The following SLC4A7 variants were observed in gnomAD, a reference collection of about 807,000 sequenced individuals.
The protein encoded by SLC4A7 is solute carrier family 4 member 7.
SLC4A7 carries 51 observed loss-of-function variants against 137.6 expected under a neutral mutation model. The observed-to-expected ratio is 0.37, with a 90% CI of 0.30 to 0.47. SLC4A7 has a LOEUF of 0.47. SLC4A7 is among the 20% of genes least tolerant of loss of function. The pLI is 1.00. For synonymous variants in SLC4A7, 542 were observed against 518.6 expected (o/e 1.05, Z -0.61); for missense variants, 1,247 against 1,525.4 (o/e 0.82, Z 3.04).
intron 2 of SLC4A7, among the ~76,000 whole-genome samples, chr3:27,451,663 C>T (rs2058082316): frequency 6.6e-6 from 1 of 152,058 alleles, no homozygotes; most frequent in Non-Finnish European, 1.5e-5. Flanking sequence ...AGATCCTCAA[C>T]TGGATCAACT....
chr3:27,430,683 T>A (rs1230408172), intron 7 of SLC4A7, among the ~76,000 whole-genome samples: 1 of 149,584 alleles, frequency 6.7e-6, no homozygotes, highest in Non-Finnish European at 1.5e-5. Context: ...TACAAAAAAT[T>A]AGCCAGACGT....
At chr3:27,461,407 AC>A (rs775185998) in intron 1 of SLC4A7, among the ~76,000 whole-genome samples, 5 of 152,054 alleles carry the variant, frequency 3.3e-5, no homozygotes, top group Non-Finnish European at 7.4e-5. Flanking sequence ...TCAAAAAAAA[AC>A]AAAAACAAAA....
At chr3:27,484,046 C>T in intron 1 of SLC4A7, 21 bp downstream of exon 1, 1 of 1,391,598 alleles carries the variant, frequency 7.2e-7, no homozygotes, top group South Asian at 1.5e-5. Context: ...CGGAGGAGCC[C>T]CACCGCCGCG....
chr3:27,374,617 C>T lies in SLC4A7; in HGVS notation c.*2147G>A, dbSNP rs1455544868. ...AGCAGAAACCAGTAACATTTAGAAG[C>T]ATTGTAAAAACATTTTGAGTGCAAA... On this transcript the variant is annotated 3_prime_UTR_variant, in exon 26 of 26. Transcript: ENST00000454389. 6.6e-6 allele frequency: 1 copy of T among 152,442 alleles called. No individual in the cohort carries two copies. The highest frequency in any genetic ancestry group is 1.5e-5 in the Non-Finnish European group (1 of 67,908). 9.4% of individuals were successfully genotyped at this position (152,442 alleles called of 1,614,324 possible).
intron 1 of SLC4A7, among the ~76,000 whole-genome samples, chr3:27,478,274 T>C (rs2059550192): frequency 6.6e-6 from 1 of 151,880 alleles, no homozygotes; most frequent in African/African-American, 2.4e-5. Flanking sequence ...TCCCAGCACT[T>C]TGGGAGGCTG....
chr3:27,429,425 G>A (rs1014443568), intron 7 of SLC4A7, among the ~76,000 whole-genome samples: 1 of 152,018 alleles, frequency 6.6e-6, no homozygotes, highest in Admixed American at 6.6e-5. Context: ...ATGAAACAAT[G>A]GACAACTAAA....
intron 1 of SLC4A7, among the ~76,000 whole-genome samples, chr3:27,456,129 G>C (rs896680867): frequency 1.3e-5 from 2 of 152,010 alleles, no homozygotes; most frequent in Non-Finnish European, 2.9e-5. Context: ...TAGAAAAAAA[G>C]GATGTTAAAA....
At chr3:27,449,057 G>A (rs201214663) in intron 2 of SLC4A7, among the ~76,000 whole-genome samples, 1 of 145,372 alleles carries the variant, frequency 6.9e-6, no homozygotes. Flanking sequence ...CTTTTTTTTT[G>A]TTTTGTTTTT....
chr3:27,459,122 T>G (rs990012440), intron 1 of SLC4A7, among the ~76,000 whole-genome samples: 2 of 152,010 alleles, frequency 1.3e-5, no homozygotes, highest in Admixed American at 1.3e-4. Context: ...TGTCCTTTCC[T>G]CCCCCACTGG....
intron 12 of SLC4A7, among the ~76,000 whole-genome samples, chr3:27,410,047 A>C (rs2053755409): frequency 6.6e-6 from 1 of 152,208 alleles, no homozygotes; most frequent in South Asian, 2.1e-4. Flanking sequence ...TAGTACTTCA[A>C]TCGTATAAAA....
At position 27,403,162 on chromosome 3, in the gene SLC4A7, G is replaced by C; in HGVS notation, c.2298C>G (p.Asn766Lys). 1 of 1,611,482 alleles carries C rather than the reference G, an allele frequency of 6.2e-7. No homozygotes were observed. The highest frequency in any genetic ancestry group is 8.5e-7 in the Non-Finnish European group (1 of 1,179,304). ...ACGAGTAGCTGGTCAGTTTATCTAA[G>C]TTGTTGTGCATATTAAATGCATATG... is the stretch of plus-strand genomic sequence containing the variant. ...GETYAFNMHN[N>K]LDKLTSYSCV... The change falls in exon 15 of 26, where the codon AAC becomes AAG. Residue 766 changes from asparagine to lysine, a missense_variant. Physicochemically the swap from Asn to Lys is moderately conservative, Grantham distance 94. Transcript: ENST00000454389.
intron 1 of SLC4A7, among the ~76,000 whole-genome samples, chr3:27,458,438 G>A (rs1340796565): frequency 6.6e-6 from 1 of 152,104 alleles, no homozygotes; most frequent in Non-Finnish European, 1.5e-5. Flanking sequence ...ACAGGTGATA[G>A]ACATGTCATA....
At chr3:27,474,925 T>G (rs1421762398) in intron 1 of SLC4A7, among the ~76,000 whole-genome samples, 2 of 151,936 alleles carry the variant, frequency 1.3e-5, no homozygotes, top group African/African-American at 4.8e-5. Flanking sequence ...CTGGCCAACA[T>G]GGTGAAACCC....
intron 1 of SLC4A7, among the ~76,000 whole-genome samples, chr3:27,457,738 A>C (rs569587796): frequency 6.6e-6 from 1 of 152,294 alleles, no homozygotes; most frequent in East Asian, 1.9e-4. Context: ...TTCATTAAAC[A>C]ATATCAAAAA....
intron 8 of SLC4A7, chr3:27,422,658 T>G (rs1272294161): frequency 2.7e-6 from 1 of 372,942 alleles, no homozygotes; most frequent in African/African-American, 2.1e-5. Context: ...TTTCTGTGTA[T>G]AATTACAAGG....
chr3:27,445,578 T>C (rs1559786647), intron 3 of SLC4A7, among the ~76,000 whole-genome samples: 1 of 152,024 alleles, frequency 6.6e-6, no homozygotes, highest in East Asian at 1.9e-4. Flanking sequence ...ATTAGATAAA[T>C]GAATTCTGGG....
intron 18 of SLC4A7, among the ~76,000 whole-genome samples, chr3:27,397,371 G>C (rs1186147265): frequency 6.6e-6 from 1 of 151,630 alleles, no homozygotes; most frequent in Admixed American, 6.6e-5. Flanking sequence ...GGAAGGTACA[G>C]CAAGAACTCC....
At chr3:27,458,040 G>A (rs1253796284) in intron 1 of SLC4A7, among the ~76,000 whole-genome samples, 2 of 152,084 alleles carry the variant, frequency 1.3e-5, no homozygotes, top group African/African-American at 4.8e-5. Flanking sequence ...ACAGCTAGTT[G>A]AGTTCACAAT....
At chr3:27,443,499 T>C (rs1197737449) in intron 3 of SLC4A7, among the ~76,000 whole-genome samples, 1 of 152,170 alleles carries the variant, frequency 6.6e-6, no homozygotes, top group South Asian at 2.1e-4. Context: ...ATTGTTTTTT[T>C]TTCTGATTTT....
Sources: gnomAD v4.1 joint callset for allele counts (sites outside exome capture counted in the v4.1 genomes callset) on GRCh38, gnomAD v4.1.1 for gene constraint, MANE v1.5 for transcripts, NCBI Gene and HGNC (gene_info 2026-07-23, HGNC 2026-07-21) for gene names.